Variants in RELN observed in about 807,000 individuals in gnomAD.
The protein encoded by RELN is reelin.
Under a neutral mutation model 427.6 loss-of-function variants are expected in RELN, and 108 were observed. The observed-to-expected ratio is 0.25, with a 90% CI of 0.22 to 0.30. RELN has a LOEUF of 0.30. RELN is among the 10% of genes least tolerant of loss of function. The probability of loss-of-function intolerance (pLI) is 1.00; values close to 1 mark genes in which losing one functional copy is unlikely to be tolerated. For synonymous variants in RELN, 1,524 were observed against 1,513.4 expected, an observed-to-expected ratio of 1.01 and a Z score of -0.16; for missense variants, 3,715 against 4,302.8, an observed-to-expected ratio of 0.86 and a Z score of 3.82.
At chr7:103,555,839 A>G (rs1055458455) in intron 38 of RELN, among the ~76,000 whole-genome samples, 2 of 152,216 alleles carry the variant, frequency 1.3e-5, no homozygotes, top group Non-Finnish European at 2.9e-5. Context: ...ACAATACATT[A>G]AAAATTTTGT....
chr7:103,708,464 C>CTTGTTTTTTTT (rs1789695551), intron 8 of RELN, among the ~76,000 whole-genome samples: 1 of 110,104 alleles, frequency 9.1e-6, no homozygotes, highest in Non-Finnish European at 1.7e-5. Flanking sequence ...GGGTATGACT[C>CTTGTTTTTTTT]TTTTTTTTTT....
At chr7:103,517,568 A>C (rs1442472294) in intron 49 of RELN, among the ~76,000 whole-genome samples, 2 of 152,302 alleles carry the variant, frequency 1.3e-5, no homozygotes, top group East Asian at 3.9e-4. Context: ...ATGCTGCTTA[A>C]GTGTTCAGGA....
chr7:103,768,750 G>T (rs58581358), intron 4 of RELN, among the ~76,000 whole-genome samples: 27,157 of 152,112 alleles, frequency 0.18, 2,563 homozygotes, highest in East Asian at 0.31. Context: ...AAATAATCAT[G>T]ACACAACAGA....
At chr7:103,754,690 C>CACCT (rs555277098) in intron 4 of RELN, among the ~76,000 whole-genome samples, 5 of 152,084 alleles carry the variant, frequency 3.3e-5, no homozygotes, top group Non-Finnish European at 7.4e-5. Flanking sequence ...GCAGGAGGAT[C>CACCT]ACCTGAGGCC....
intron 3 of RELN, among the ~76,000 whole-genome samples, chr7:103,813,518 CTTAAT>C (rs536691211): frequency 3.3e-4 from 50 of 150,112 alleles, no homozygotes; most frequent in South Asian, 2.5e-3. Context: ...TTGTCTTATA[CTTAAT>C]TTAAGAATAT....
chr7:103,889,359 G>A (rs1298075077), intron 2 of RELN, among the ~76,000 whole-genome samples: 2 of 152,200 alleles, frequency 1.3e-5, no homozygotes, highest in Admixed American at 1.3e-4. Context: ...GACAACAGAG[G>A]ACAGAAGGTC....
Position 103,558,052 on chromosome 7 carries a change from G to A in RELN, c.5530-3C>T. 6.8e-7 allele frequency: 1 copy of A among 1,464,764 alleles called. No homozygotes were observed. The allele number at this position is 1,464,764 out of a possible 1,614,324, so 90.7% of individuals were successfully genotyped here. Reference sequence around the variant, plus strand: ...GAAATAAGCATCCTTAGTCCTTCCTGAAAATAAAAACATATACGTTAAGCA... The same window carrying A: ...GAAATAAGCATCCTTAGTCCTTCCTAAAAATAAAAACATATACGTTAAGCA... On this transcript the variant is annotated splice_region_variant and splice_polypyrimidine_tract_variant and intron_variant, in intron 36 of 64. Coordinates refer to ENST00000428762, the MANE Select transcript of RELN (RefSeq NM_005045.4).
At chr7:103,964,537 C>T (rs115590647) in intron 1 of RELN, among the ~76,000 whole-genome samples, 1,988 of 152,260 alleles carry the variant, frequency 0.013, 53 homozygotes, top group African/African-American at 0.045. Flanking sequence ...CTTACAATTA[C>T]CACAACTATC....
intron 1 of RELN, among the ~76,000 whole-genome samples, chr7:103,924,926 G>A (rs550651168): frequency 1.3e-5 from 2 of 150,144 alleles, no homozygotes; most frequent in South Asian, 4.3e-4. Flanking sequence ...TCTTCTTTAT[G>A]TTCCAAACCC....
At chr7:103,783,794 T>G (rs529394776) in intron 3 of RELN, among the ~76,000 whole-genome samples, 1 of 152,166 alleles carries the variant, frequency 6.6e-6, no homozygotes. Context: ...ACTCCTGAAA[T>G]GGAGATGGAG....
chr7:103,482,305 G>C (rs1465740789), intron 63 of RELN: 1 of 162,730 alleles, frequency 6.1e-6, no homozygotes, highest in Admixed American at 5.8e-5. Flanking sequence ...TCATCTCTCT[G>C]TGAGGGAACA....
intron 27 of RELN, among the ~76,000 whole-genome samples, chr7:103,590,641 G>A (rs1831392057): frequency 6.6e-6 from 1 of 152,014 alleles, no homozygotes; most frequent in East Asian, 1.9e-4. Flanking sequence ...AAACAGCTGA[G>A]TGTTTATCAC....
intron 2 of RELN, among the ~76,000 whole-genome samples, chr7:103,899,883 A>G (rs945680056): frequency 9.2e-5 from 14 of 152,112 alleles, no homozygotes; most frequent in Admixed American, 1.3e-4. Flanking sequence ...TTTGAAAACC[A>G]GCACAAGGCA....
intron 3 of RELN, among the ~76,000 whole-genome samples, chr7:103,830,596 C>G (rs1221980549): frequency 6.6e-6 from 1 of 151,730 alleles, no homozygotes; most frequent in Non-Finnish European, 1.5e-5. Flanking sequence ...TGGGCGCTTG[C>G]TAATTACAGA....
intron 3 of RELN, among the ~76,000 whole-genome samples, chr7:103,796,854 A>T (rs1325210802): frequency 6.8e-6 from 1 of 147,540 alleles, no homozygotes; most frequent in Non-Finnish European, 1.5e-5. Flanking sequence ...CAACAGGGCA[A>T]GAGAGCTAGA....
At chr7:103,908,481 C>T (rs147809146) in intron 2 of RELN, among the ~76,000 whole-genome samples, 2 of 152,246 alleles carry the variant, frequency 1.3e-5, no homozygotes, top group East Asian at 3.9e-4. Context: ...AGAAACAGGG[C>T]TGGGCATGGA....
chr7:103,690,354 C>T (rs1833848157), intron 10 of RELN, among the ~76,000 whole-genome samples: 1 of 152,008 alleles, frequency 6.6e-6, no homozygotes, highest in African/African-American at 2.4e-5. Context: ...AGCTGGTGCA[C>T]TAGATGTTCC....
At chr7:103,920,394 C>A (rs538951685) in intron 1 of RELN, among the ~76,000 whole-genome samples, 3 of 152,022 alleles carry the variant, frequency 2.0e-5, no homozygotes, top group Non-Finnish European at 4.4e-5. Context: ...TGTTAATAAG[C>A]AAATCCTTCA....
intron 11 of RELN, among the ~76,000 whole-genome samples, chr7:103,666,408 C>A (rs1833268928): frequency 6.6e-6 from 1 of 152,114 alleles, no homozygotes; most frequent in African/African-American, 2.4e-5. Context: ...GTTCTTTTCT[C>A]ATAGTACCCT....
Sources: allele counts gnomAD v4.1 joint callset (sites outside exome capture counted in the v4.1 genomes callset), GRCh38; gene constraint gnomAD v4.1.1; transcripts MANE v1.5; gene names NCBI Gene and HGNC (gene_info 2026-07-23, HGNC 2026-07-21).